SYNPO: variants seen among roughly 807,000 people sequenced by gnomAD.
SYNPO encodes synaptopodin.
Under a neutral mutation model 49.5 loss-of-function variants are expected in SYNPO, and 19 were observed. The ratio of observed to expected loss-of-function variants is 0.38; its 90% confidence interval spans 0.27 to 0.56. SYNPO has a LOEUF of 0.56. Ranked by LOEUF, SYNPO falls within the 20% of genes least tolerant of loss-of-function variation. The pLI is 0.68. For missense variants in SYNPO, 1,131 were observed against 1,248.3 expected (o/e 0.91, Z 1.42); for synonymous variants, 536 against 548.0 (o/e 0.98, Z 0.31).
chr5:150,635,492 A>G (rs1389115219), intron 2 of SYNPO, among the ~76,000 whole-genome samples: 1 of 152,226 alleles, frequency 6.6e-6, no homozygotes, highest in Non-Finnish European at 1.5e-5. Flanking sequence ...TTTTTTAGAC[A>G]GAGTCTTGCT....
chr5:150,618,917 A>T (rs1757062310), intron 2 of SYNPO: 1 of 1,040,842 alleles, frequency 9.6e-7, no homozygotes, highest in Admixed American at 2.6e-5. Flanking sequence ...CTGTGGAGAG[A>T]TAGGAGCGAC....
At chr5:150,589,358 C>T in the SYNPO span, among the ~76,000 whole-genome samples, 1 of 152,168 alleles carries the variant, frequency 6.6e-6, no homozygotes, top group Non-Finnish European at 1.5e-5. Context: ...ACCACCACAC[C>T]CAGCCTTACA....
intron 2 of SYNPO, chr5:150,654,352 GCACACACACACACACACACA>G (rs57174542): frequency 1.4e-5 from 2 of 147,646 alleles, no homozygotes; most frequent in African/African-American, 2.5e-5. Flanking sequence ...CCTTTGAGCA[GCACACACACACACACACACA>G]CACACACACA....
At chr5:150,599,851 C>G (rs6860657), upstream of SYNPO, among the ~76,000 whole-genome samples, 50,629 of 151,958 alleles carry the variant, frequency 0.33, 8,874 homozygotes, top group Middle Eastern at 0.5. Context: ...GTGTTAACTG[C>G]TTAACTAAAT....
At chr5:150,597,976 G>A (rs2151327972), upstream of SYNPO, among the ~76,000 whole-genome samples, 1 of 152,196 alleles carries the variant, frequency 6.6e-6, no homozygotes, top group Non-Finnish European at 1.5e-5. Flanking sequence ...CTTCCTGGGG[G>A]TAGGAAACCA....
chr5:150,590,808 G>A, the SYNPO span, among the ~76,000 whole-genome samples: 2 of 152,176 alleles, frequency 1.3e-5, no homozygotes, highest in Non-Finnish European at 2.9e-5. Context: ...GGCTGTTATC[G>A]TTGTTGCTGG....
At chr5:150,629,896 G>A (rs6860797) in intron 2 of SYNPO, among the ~76,000 whole-genome samples, 1,532 of 152,132 alleles carry the variant, frequency 0.01, 22 homozygotes, top group African/African-American at 0.035. Context: ...CAGGCAGTCT[G>A]GCCCCAAAAA....
chr5:150,618,790 T>C (rs778381632), intron 2 of SYNPO: 109 of 1,550,710 alleles, frequency 7.0e-5, no homozygotes, highest in South Asian at 2.9e-4. Context: ...TCCTTTTCCC[T>C]TGGACTACCA....
chr5:150,626,063 A>T (rs1416857734), intron 2 of SYNPO, among the ~76,000 whole-genome samples: 2 of 152,214 alleles, frequency 1.3e-5, no homozygotes, highest in East Asian at 3.9e-4. Flanking sequence ...TCCATTAGAA[A>T]GTGGAAGTGA....
intron 1 of SYNPO, among the ~76,000 whole-genome samples, chr5:150,613,152 C>T (rs905981230): frequency 3.4e-5 from 5 of 148,198 alleles, no homozygotes; most frequent in African/African-American, 1.3e-4. Context: ...GCTGGGACCT[C>T]TGCCTGCCAG....
At chr5:150,611,068 C>T (rs926299837) in intron 1 of SYNPO, among the ~76,000 whole-genome samples, 6 of 152,122 alleles carry the variant, frequency 3.9e-5, no homozygotes, top group Admixed American at 2.6e-4. Flanking sequence ...ATACAAAACA[C>T]GGAATGGCAT....
intron 2 of SYNPO, among the ~76,000 whole-genome samples, chr5:150,654,654 GA>G (rs1237869221): frequency 6.6e-6 from 1 of 152,118 alleles, no homozygotes; most frequent in East Asian, 1.9e-4. Flanking sequence ...CCATTGCTGT[GA>G]AAAAGCTCAG....
Position 150,624,944 on chromosome 5 carries a change from A to G in SYNPO, c.400+6177A>G, listed in dbSNP as rs990339215. ...GCGCTGGCCTGGCAGGGGTGCGGGCACCGCGCGAGCCTCGCCCCTTCCCAC... is the reference window on the plus strand; with the variant it reads ...GCGCTGGCCTGGCAGGGGTGCGGGCGCCGCGCGAGCCTCGCCCCTTCCCAC... On this transcript the variant is annotated intron_variant, in intron 2 of 2. Coordinates refer to the SYNPO transcript ENST00000394243. 11 of 985,338 alleles carry G rather than the reference A, an allele frequency of 1.1e-5. No homozygotes were observed. In the African/African-American group the frequency reaches 1.9e-4, roughly 17 times the overall value. The allele number at this position is 985,338 out of a possible 1,614,324, so 61.0% of individuals were successfully genotyped here.
In SYNPO at chr5:150,631,442, G is replaced by A. The variant is rs147758657; in HGVS notation, c.400+12675G>A. On this transcript the variant is annotated intron_variant, in intron 2 of 2. Coordinates refer to the SYNPO transcript ENST00000394243. ...AGGAAAAGGAGCAGCCAGTGCAGAG[G>A]CCCTGAGGGGAGAAAGTGCTGGGCT... 7.7e-3 allele frequency among the ~76,000 whole-genome samples: 1,176 copies of A among 152,286 alleles called. 20 individuals are homozygous for A. The highest frequency in any genetic ancestry group is 0.027 in the African/African-American group (1,135 of 41,538).
chr5:150,605,761 C>T (rs200606438), intron 1 of SYNPO, among the ~76,000 whole-genome samples: 4 of 112,144 alleles, frequency 3.6e-5, no homozygotes, highest in African/African-American at 2.0e-4. Flanking sequence ...CACACACATA[C>T]ACACACACAC....
intron 1 of SYNPO, among the ~76,000 whole-genome samples, chr5:150,644,556 C>T (rs974650628): frequency 3.3e-5 from 5 of 152,228 alleles, no homozygotes; most frequent in African/African-American, 1.2e-4. Flanking sequence ...TCCACCTGGG[C>T]TTCATGGCAG....
chr5:150,608,067 C>G (rs930982705), intron 1 of SYNPO, among the ~76,000 whole-genome samples: 1 of 152,270 alleles, frequency 6.6e-6, no homozygotes, highest in African/African-American at 2.4e-5. Flanking sequence ...TTTCGAGGCA[C>G]TCGCTGTGGT....
At chr5:150,588,336 T>C in the SYNPO span, among the ~76,000 whole-genome samples, 1 of 152,180 alleles carries the variant, frequency 6.6e-6, no homozygotes, top group Non-Finnish European at 1.5e-5. Context: ...AGTGAGTTTC[T>C]GGTACCACAT....
At chr5:150,618,652 A>G in exon 2 of SYNPO, 1 of 1,551,194 alleles carries the variant, frequency 6.4e-7, no homozygotes, top group Non-Finnish European at 8.7e-7. Flanking sequence ...GAGAGGAACA[A>G]GGGGCGTCCC....
Sources: allele counts gnomAD v4.1 joint callset (sites outside exome capture counted in the v4.1 genomes callset), GRCh38; gene constraint gnomAD v4.1.1; transcripts MANE v1.5; gene names NCBI Gene and HGNC (gene_info 2026-07-23, HGNC 2026-07-21).